SLC25A26: variants seen among roughly 807,000 people sequenced by gnomAD.
SLC25A26 encodes the protein mitochondrial S-adenosylmethionine carrier protein.
In SLC25A26, 36 loss-of-function variants were observed where a neutral mutation model predicts 37.8. That is an observed-to-expected ratio of 0.95 (90% CI 0.73 to 1.26). The LOEUF is 1.26. Ranked by LOEUF, SLC25A26 falls within the 50% of genes most tolerant of loss-of-function variation. SLC25A26 has a pLI of 0.00. For missense variants in SLC25A26, 390 were observed against 331.1 expected, an observed-to-expected ratio of 1.18 and a Z score of -1.38; for synonymous variants, 129 against 122.5, an observed-to-expected ratio of 1.05 and a Z score of -0.35.
chr3:66,237,275 T>G (rs534468011), intron 2 of SLC25A26, among the ~76,000 whole-genome samples: 2 of 152,390 alleles, frequency 1.3e-5, no homozygotes, highest in South Asian at 4.1e-4. Flanking sequence ...AGTGTTATTT[T>G]AATGCTGTGA....
At chr3:66,174,257 T>A (rs947468761) in intron 1 of SLC25A26, among the ~76,000 whole-genome samples, 1 of 152,192 alleles carries the variant, frequency 6.6e-6, no homozygotes, top group African/African-American at 2.4e-5. Context: ...TTACCAGAGA[T>A]AAGCAGTAGC....
At chr3:66,193,148 A>G (rs2070978083) in intron 1 of SLC25A26, among the ~76,000 whole-genome samples, 1 of 152,166 alleles carries the variant, frequency 6.6e-6, no homozygotes, top group African/African-American at 2.4e-5. Flanking sequence ...TTTATTTAGT[A>G]TACTGACAAT....
At chr3:66,140,079 C>G (rs1051209605) in intron 1 of SLC25A26, among the ~76,000 whole-genome samples, 2 of 152,194 alleles carry the variant, frequency 1.3e-5, no homozygotes, top group African/African-American at 4.8e-5. Flanking sequence ...GGTTCTAGTG[C>G]TCAGAATGGC....
chr3:66,322,153 A>G (rs1437238103), intron 5 of SLC25A26, among the ~76,000 whole-genome samples: 1 of 152,194 alleles, frequency 6.6e-6, no homozygotes, highest in Non-Finnish European at 1.5e-5. Flanking sequence ...AACTTTGAAG[A>G]TGAGTGTGGG....
chr3:66,263,764 T>C (rs2073630335), intron 5 of SLC25A26, among the ~76,000 whole-genome samples: 1 of 152,084 alleles, frequency 6.6e-6, no homozygotes, highest in Non-Finnish European at 1.5e-5. Flanking sequence ...GTTCACGCCA[T>C]TCTCCTGCGT....
chr3:66,173,526 G>A (rs1181450040), intron 1 of SLC25A26, among the ~76,000 whole-genome samples: 1 of 152,138 alleles, frequency 6.6e-6, no homozygotes, highest in Non-Finnish European at 1.5e-5. Flanking sequence ...TCACTTACTT[G>A]AACTTACATC....
At chr3:66,283,640 T>G (rs2074416907) in intron 5 of SLC25A26, among the ~76,000 whole-genome samples, 2 of 152,222 alleles carry the variant, frequency 1.3e-5, no homozygotes, top group African/African-American at 4.8e-5. Context: ...GGTTAGCACT[T>G]GATTACTGTC....
chr3:66,342,376 T>C (rs574877997), intron 5 of SLC25A26, among the ~76,000 whole-genome samples: 2 of 152,346 alleles, frequency 1.3e-5, no homozygotes, highest in African/African-American at 4.8e-5. Flanking sequence ...ATTATGTTCA[T>C]TGCAGCTTAC....
At chr3:66,341,927 T>G (rs2076218709) in intron 5 of SLC25A26, among the ~76,000 whole-genome samples, 1 of 152,210 alleles carries the variant, frequency 6.6e-6, no homozygotes, top group Non-Finnish European at 1.5e-5. Context: ...TGTTGTTGTT[T>G]TTTTAAGAAT....
Position 66,377,878 on chromosome 3 carries a change from A to C in SLC25A26, c.*71A>C, listed in dbSNP as rs1347410237. The C allele has an allele frequency of 1.7e-6, 2 of 1,188,312 alleles. No individual in the cohort carries two copies. Among genetic ancestry groups the C allele is most frequent in the Non-Finnish European group, 2.5e-6 (2 of 798,322 alleles). The allele number at this position is 1,188,312 out of a possible 1,614,324, so 73.6% of individuals were successfully genotyped here. A position where few individuals can be genotyped will look rare whatever the true frequency, so the allele number is the denominator to read the frequency against. ...CAGTGCAAACCCTCTTCCGCTGAGC[A>C]GCTGTCTGAACTATAGGCCCCAGTG... On this transcript the variant is annotated 3_prime_UTR_variant, in exon 10 of 10. Transcript: ENST00000354883.
chr3:66,263,950 G>A (rs1362498242), intron 5 of SLC25A26, among the ~76,000 whole-genome samples: 1 of 151,842 alleles, frequency 6.6e-6, no homozygotes, highest in East Asian at 2.0e-4. Flanking sequence ...GAGTCGCCGC[G>A]CCCGGCCTCC....
At chr3:66,160,119 C>T (rs1366116827) in intron 1 of SLC25A26, among the ~76,000 whole-genome samples, 4 of 152,128 alleles carry the variant, frequency 2.6e-5, no homozygotes, top group Non-Finnish European at 5.9e-5. Flanking sequence ...TCTCATGCCT[C>T]AGCCTCCCAA....
intron 5 of SLC25A26, chr3:66,304,628 G>T: frequency 3.1e-6 from 1 of 326,354 alleles, no homozygotes; most frequent in South Asian, 2.6e-5. Flanking sequence ...CCATCGAGGT[G>T]TCAGGCATTG....
At chr3:66,331,509 G>T (rs920845253) in intron 5 of SLC25A26, among the ~76,000 whole-genome samples, 2 of 151,904 alleles carry the variant, frequency 1.3e-5, no homozygotes, top group African/African-American at 4.8e-5. Flanking sequence ...ATGTGTGTGT[G>T]TTTTTTAAAC....
intron 5 of SLC25A26, among the ~76,000 whole-genome samples, chr3:66,275,874 G>T (rs1344393801): frequency 6.6e-6 from 1 of 152,062 alleles, no homozygotes; most frequent in Non-Finnish European, 1.5e-5. Context: ...CATTAGGTGT[G>T]TGCGAATTAT....
rs55809218 is a variant in SLC25A26 at position 66,367,733 on chromosome 3, CAGAT to C, written c.569-1742_569-1739del. On this transcript the variant is annotated intron_variant, in intron 7 of 9. Coordinates refer to ENST00000354883, the MANE Select transcript of SLC25A26 (RefSeq NM_001379210.1). ...AGAGAGAGAGAGAGAGAGAGAGAGA[CAGAT>C]AGTGTTCATGGATCCTGTTATGTAA... Among the ~76,000 whole-genome samples, 950 of 147,122 alleles carry C rather than the reference CAGAT, an allele frequency of 6.5e-3. 7 individuals carry two copies. Among genetic ancestry groups the C allele is most frequent in the Admixed American group, 0.011 (158 of 14,952 alleles).
intron 1 of SLC25A26, among the ~76,000 whole-genome samples, chr3:66,175,127 A>G (rs1031669861): frequency 1.3e-4 from 12 of 92,502 alleles, no homozygotes; most frequent in African/African-American, 4.8e-4. Flanking sequence ...ATATATATAT[A>G]TATATATATA....
Position 66,252,880 on chromosome 3 carries a change from C to T in SLC25A26, c.301-9171C>T, listed in dbSNP as rs72901274. 8.5e-3 allele frequency among the ~76,000 whole-genome samples: 1,289 copies of T among 152,186 alleles called. 20 individuals are homozygous for T. The highest frequency in any genetic ancestry group is 0.029 in the African/African-American group (1,188 of 41,522). ...TCTCTGTATACTTCCAGGAGCACCT[C>T]TGTTTTCTTTTTCATGTAGTATTTA... On this transcript the variant is annotated intron_variant, in intron 3 of 9. Coordinates refer to ENST00000354883, the MANE Select transcript of SLC25A26 (RefSeq NM_001379210.1).
At chr3:66,373,983 G>T (rs929193011) in intron 9 of SLC25A26, among the ~76,000 whole-genome samples, 4 of 152,042 alleles carry the variant, frequency 2.6e-5, no homozygotes, top group African/African-American at 7.3e-5. Flanking sequence ...TTTCTCTCCA[G>T]GCCACCAGCT....
Sources: allele counts gnomAD v4.1 joint callset (sites outside exome capture counted in the v4.1 genomes callset), GRCh38; gene constraint gnomAD v4.1.1; transcripts MANE v1.5; gene names NCBI Gene and HGNC (gene_info 2026-07-23, HGNC 2026-07-21).